The following RBM47 variants were observed in gnomAD, a reference collection of about 807,000 sequenced individuals.
The protein encoded by RBM47 is RNA binding motif protein 47.
A neutral mutation model predicts 47.1 loss-of-function variants in RBM47; 21 were observed. The observed-to-expected ratio is 0.45, with a 90% CI of 0.32 to 0.64. The LOEUF (loss-of-function observed/expected upper bound fraction) is 0.64. Among genes scored for constraint, RBM47 ranks in the 30% least tolerant of loss-of-function variants. The pLI is 0.05. For missense variants in RBM47, 708 were observed against 870.9 expected (o/e 0.81, Z 2.35); for synonymous variants, 375 against 361.7 (o/e 1.04, Z -0.42).
intron 2 of RBM47, among the ~76,000 whole-genome samples, chr4:40,478,758 G>A (rs999912137): frequency 1.3e-5 from 2 of 152,214 alleles, no homozygotes; most frequent in South Asian, 2.1e-4. Flanking sequence ...AAAATGCTGA[G>A]ATTAGACATG....
intron 1 of RBM47, among the ~76,000 whole-genome samples, chr4:40,589,067 G>A (rs951433035): frequency 2.2e-5 from 3 of 136,780 alleles, no homozygotes; most frequent in Non-Finnish European, 3.1e-5. Context: ...TCCACCTCCC[G>A]GGTTCAAGTG....
intron 5 of RBM47, among the ~76,000 whole-genome samples, chr4:40,433,746 G>A (rs115333740): frequency 4.5e-4 from 68 of 151,254 alleles, no homozygotes; most frequent in Non-Finnish European, 9.1e-4. Flanking sequence ...CAACATTACC[G>A]ATTCAAGGAA....
intron 1 of RBM47, among the ~76,000 whole-genome samples, chr4:40,627,129 G>T (rs1737816601): frequency 6.6e-6 from 1 of 152,202 alleles, no homozygotes; most frequent in African/African-American, 2.4e-5. Flanking sequence ...AAGAGGGAAA[G>T]AAAATATATC....
chr4:40,489,026 C>A (rs1721502764), intron 2 of RBM47, among the ~76,000 whole-genome samples: 1 of 152,114 alleles, frequency 6.6e-6, no homozygotes, highest in Non-Finnish European at 1.5e-5. Context: ...CAAGTTTTTG[C>A]CCCAGAATCA....
chr4:40,428,515 T>C (rs540374951), intron 6 of RBM47, among the ~76,000 whole-genome samples: 1 of 152,328 alleles, frequency 6.6e-6, no homozygotes, highest in South Asian at 2.1e-4. Flanking sequence ...AGACTGTGGT[T>C]CACAGCAAGA....
intron 1 of RBM47, among the ~76,000 whole-genome samples, chr4:40,592,971 ATATATATATTTTTTTTTTTTT>A (rs1734359842): frequency 8.8e-5 from 2 of 22,808 alleles, no homozygotes; most frequent in Non-Finnish European, 1.4e-4. Context: ...ATATATATAT[ATATATATATTTTTTTTTTTTT>A]TTTTTTTTTT....
In RBM47 at chr4:40,424,757, T is replaced by A. The variant is rs1714787260; in HGVS notation, c.*1147A>T. ...TAAGGCAACTAGAAGCATAACTTTCTGCTGAAAAGAGTCTCTGGGGGTCTT... is the reference window on the plus strand; with the variant it reads ...TAAGGCAACTAGAAGCATAACTTTCAGCTGAAAAGAGTCTCTGGGGGTCTT... On this transcript the variant is annotated 3_prime_UTR_variant, in exon 7 of 7. Transcript: ENST00000295971. 1 of 152,190 alleles carries A rather than the reference T, an allele frequency of 6.6e-6. No individual in the cohort carries two copies. The highest frequency in any genetic ancestry group is 2.4e-5 in the African/African-American group (1 of 41,448). 9.4% of individuals were successfully genotyped at this position (152,190 alleles called of 1,614,324 possible).
chr4:40,464,070 C>T (rs576028679), intron 3 of RBM47, among the ~76,000 whole-genome samples: 1 of 152,158 alleles, frequency 6.6e-6, no homozygotes, highest in East Asian at 1.9e-4. Flanking sequence ...AATCTGTTTA[C>T]TGAAGTTCTA....
intron 1 of RBM47, among the ~76,000 whole-genome samples, chr4:40,580,225 T>A (rs1013387488): frequency 2.0e-5 from 3 of 152,166 alleles, no homozygotes; most frequent in East Asian, 3.8e-4. Context: ...CATACTTTTT[T>A]TTTTTTAACT....
In RBM47 at chr4:40,425,140, G is replaced by C. The variant is rs550943726; in HGVS notation, c.*764C>G. 1.3e-5 allele frequency: 2 copies of C among 152,846 alleles called. 1 individual carries two copies. Among genetic ancestry groups the C allele is most frequent in the South Asian group, 4.1e-4 (2 of 4,830 alleles). 9.5% of individuals were successfully genotyped at this position (152,846 alleles called of 1,614,324 possible). A position where few individuals can be genotyped will look rare whatever the true frequency, so the allele number is the denominator to read the frequency against. On this transcript the variant is annotated 3_prime_UTR_variant, in exon 7 of 7. Transcript: ENST00000295971. ...CTGGGGAGGAGGGGACAGGGTGAGAGATGTGGGAGTGGGGGCATGTTTAAG... is the reference window on the plus strand; with the variant it reads ...CTGGGGAGGAGGGGACAGGGTGAGACATGTGGGAGTGGGGGCATGTTTAAG...
In RBM47 at chr4:40,587,616, G is replaced by A. The variant is rs113484042; in HGVS notation, c.-240+41780C>T. Among the ~76,000 whole-genome samples the A allele has an allele frequency of 2.9e-3, 445 of 152,296 alleles. 7 individuals are homozygous for A. Among genetic ancestry groups the A allele is most frequent in the African/African-American group, 9.8e-3 (407 of 41,544 alleles). ...AAATAACACATTGGAGGAATGGGGTGGGGAATTCTCAGAACCTTTACTTAA... is the reference window on the plus strand; with the variant it reads ...AAATAACACATTGGAGGAATGGGGTAGGGAATTCTCAGAACCTTTACTTAA... On this transcript the variant is annotated intron_variant, in intron 1 of 6. Transcript: ENST00000295971.
rs142196150 is a variant in RBM47 at position 40,529,872 on chromosome 4, A to G, written c.-155+14550T>C. On this transcript the variant is annotated intron_variant, in intron 2 of 6. Transcript: ENST00000295971. ...AATAAATAAATAAATAAATAAATAA[A>G]TAAATATTAAAATAAAAGTAAATAA... Among the ~76,000 whole-genome samples the G allele has an allele frequency of 7.4e-4, 109 of 146,804 alleles. 1 individual carries two copies. Among genetic ancestry groups the G allele is most frequent in the African/African-American group, 2.4e-3 (95 of 40,104 alleles).
At chr4:40,586,353 G>C (rs1733581822) in intron 1 of RBM47, among the ~76,000 whole-genome samples, 2 of 152,080 alleles carry the variant, frequency 1.3e-5, no homozygotes, top group South Asian at 4.1e-4. Flanking sequence ...CAGAGAAAGA[G>C]AGTCTGGAAG....
intron 2 of RBM47, among the ~76,000 whole-genome samples, chr4:40,513,718 T>TC (rs1190919496): frequency 6.6e-6 from 1 of 152,040 alleles, no homozygotes; most frequent in Non-Finnish European, 1.5e-5. Context: ...AACTGACTTT[T>TC]TTTTTTTTTC....
Position 40,486,009 on chromosome 4 carries a change from G to C in RBM47, c.-154-19310C>G, listed in dbSNP as rs1721025712. On this transcript the variant is annotated intron_variant, in intron 2 of 6. Transcript: ENST00000295971. ...CTGCTTGAGCCCGGAAGCTCCAACT[G>C]TAGTGAGCCATATTTGGACCACTGC... is the stretch of plus-strand genomic sequence containing the variant. Among the ~76,000 whole-genome samples the C allele has an allele frequency of 2.9e-5, 4 of 136,118 alleles. No homozygotes were observed. The Admixed American group carries it at 3.3e-4, about 11-fold the overall frequency. 89.3% of individuals were successfully genotyped at this position (136,118 alleles called of 152,430 possible).
chr4:40,570,516 C>A (rs917134367), intron 1 of RBM47, among the ~76,000 whole-genome samples: 1 of 151,934 alleles, frequency 6.6e-6, no homozygotes, highest in East Asian at 1.9e-4. Context: ...CGATGGGGAA[C>A]GACTGTAAAT....
intron 1 of RBM47, among the ~76,000 whole-genome samples, chr4:40,590,500 A>C (rs1294583139): frequency 6.6e-6 from 1 of 152,196 alleles, no homozygotes; most frequent in Non-Finnish European, 1.5e-5. Flanking sequence ...CTCTATTTGC[A>C]ACCTCTCATC....
At chr4:40,432,386 C>T (rs1372180093) in intron 6 of RBM47, among the ~76,000 whole-genome samples, 1 of 151,992 alleles carries the variant, frequency 6.6e-6, no homozygotes, top group Non-Finnish European at 1.5e-5. Flanking sequence ...AAAATATATG[C>T]ACAATATTAT....
intron 5 of RBM47, among the ~76,000 whole-genome samples, chr4:40,433,998 CG>C (rs138012744): frequency 2.4e-5 from 1 of 42,074 alleles, no homozygotes; most frequent in Non-Finnish European, 4.7e-5. Context: ...GTGTGTGGGG[CG>C]GGGGTGTGTG....
Sources: allele counts gnomAD v4.1 joint callset (sites outside exome capture counted in the v4.1 genomes callset), GRCh38; gene constraint gnomAD v4.1.1; transcripts MANE v1.5; gene names NCBI Gene and HGNC (gene_info 2026-07-23, HGNC 2026-07-21).